CHN1: variants seen among roughly 807,000 people sequenced by gnomAD.
The protein encoded by CHN1 is chimerin 1.
Under a neutral mutation model 59.5 loss-of-function variants are expected in CHN1, and 37 were observed. The ratio of observed to expected loss-of-function variants is 0.62; its 90% CI spans 0.48 to 0.82. The LOEUF is 0.82. CHN1 is among the 40% of genes least tolerant of loss of function. CHN1 has a pLI of 0.00. For synonymous variants in CHN1, 206 were observed against 200.4 expected, an observed-to-expected ratio of 1.03 and a Z score of -0.24; for missense variants, 469 against 571.0, an observed-to-expected ratio of 0.82 and a Z score of 1.82.
chr2:174,899,955 A>G (rs1393686524), intron 5 of CHN1, among the ~76,000 whole-genome samples: 1 of 152,204 alleles, frequency 6.6e-6, no homozygotes, highest in Non-Finnish European at 1.5e-5. Context: ...TTATGTGTAT[A>G]TGTATGTTCA....
At chr2:174,813,208 T>C (rs529973587) in intron 8 of CHN1, among the ~76,000 whole-genome samples, 5 of 152,346 alleles carry the variant, frequency 3.3e-5, no homozygotes, top group Non-Finnish European at 7.4e-5. Context: ...CCCAAGGCCA[T>C]GCATTTAGTA....
At chr2:174,957,815 G>A (rs897888153) in intron 1 of CHN1, among the ~76,000 whole-genome samples, 1 of 152,062 alleles carries the variant, frequency 6.6e-6, no homozygotes, top group Non-Finnish European at 1.5e-5. Flanking sequence ...TCTAGACCTT[G>A]CCTTCAAAGA....
At chr2:174,839,389 G>C (rs1177732126) in intron 7 of CHN1, among the ~76,000 whole-genome samples, 2 of 152,096 alleles carry the variant, frequency 1.3e-5, no homozygotes, top group Non-Finnish European at 2.9e-5. Flanking sequence ...GATGAACCTG[G>C]AGGACATGAT....
chr2:174,974,490 A>G (rs921866228), intron 1 of CHN1, among the ~76,000 whole-genome samples: 3 of 152,176 alleles, frequency 2.0e-5, no homozygotes, highest in Non-Finnish European at 4.4e-5. Flanking sequence ...TGCTTTTACC[A>G]GTCTGCAAGA....
At chr2:174,979,773 C>T (rs905012478) in intron 1 of CHN1, among the ~76,000 whole-genome samples, 123 of 152,000 alleles carry the variant, frequency 8.1e-4, no homozygotes, top group Non-Finnish European at 4.4e-5. Context: ...CCCAGCTACT[C>T]GGGAAGCTGA....
At chr2:174,866,865 A>C (rs2646160) in intron 6 of CHN1, among the ~76,000 whole-genome samples, 7,486 of 152,160 alleles carry the variant, frequency 0.049, 591 homozygotes, top group African/African-American at 0.17. Flanking sequence ...AAGAAAAACA[A>C]TTTGCACGTT....
intron 3 of CHN1, among the ~76,000 whole-genome samples, chr2:174,935,296 T>G (rs1689464182): frequency 6.6e-6 from 1 of 152,152 alleles, no homozygotes; most frequent in Non-Finnish European, 1.5e-5. Flanking sequence ...TTATTTGACT[T>G]GAAACCTGAG....
intron 1 of CHN1, among the ~76,000 whole-genome samples, chr2:174,989,000 AG>A (rs1691449621): frequency 6.6e-6 from 1 of 152,242 alleles, no homozygotes; most frequent in Non-Finnish European, 1.5e-5. Flanking sequence ...TCTATTATAA[AG>A]TCTTCATCTC....
chr2:174,977,404 T>C (rs182956367), intron 1 of CHN1, among the ~76,000 whole-genome samples: 2 of 152,344 alleles, frequency 1.3e-5, no homozygotes, highest in East Asian at 3.9e-4. Context: ...TGTCAAAGAA[T>C]TGCTGTTTGC....
chr2:174,905,706 A>G (rs902846720), intron 5 of CHN1, among the ~76,000 whole-genome samples: 1 of 152,016 alleles, frequency 6.6e-6, no homozygotes. Flanking sequence ...CTGGGACTAC[A>G]GCTACCATGC....
intron 1 of CHN1, among the ~76,000 whole-genome samples, chr2:174,994,480 T>C (rs200306591): frequency 5.3e-5 from 8 of 151,996 alleles, no homozygotes; most frequent in East Asian, 3.9e-4. Context: ...ACTGTGGCGG[T>C]TGTTAAATAT....
intron 5 of CHN1, among the ~76,000 whole-genome samples, chr2:174,898,565 C>T (rs778102104): frequency 1.3e-5 from 2 of 152,144 alleles, no homozygotes; most frequent in Non-Finnish European, 2.9e-5. Context: ...GATCGCGCCA[C>T]TGCACTCCAG....
chr2:174,966,237 A>G (rs1196260557), intron 1 of CHN1, among the ~76,000 whole-genome samples: 1 of 152,174 alleles, frequency 6.6e-6, no homozygotes, highest in East Asian at 1.9e-4. Context: ...CTGATGTGTC[A>G]TGATTCAACT....
intron 3 of CHN1, among the ~76,000 whole-genome samples, chr2:174,931,726 G>C (rs923701250): frequency 6.6e-6 from 1 of 152,218 alleles, no homozygotes; most frequent in Non-Finnish European, 1.5e-5. Flanking sequence ...GGAATGCTGG[G>C]GGGATGATAA....
chr2:174,838,557 A>G (rs1558946149), intron 7 of CHN1, among the ~76,000 whole-genome samples: 1 of 152,190 alleles, frequency 6.6e-6, no homozygotes. Flanking sequence ...AAAATAAGCA[A>G]AAGAGAATTA....
rs1687692641 is a variant in CHN1, at chr2:174,880,247, AG to A, written c.261-2120del. 3.9e-5 allele frequency among the ~76,000 whole-genome samples: 6 copies of A among 152,340 alleles called. No individual in the cohort carries two copies. The South Asian group carries it at 1.2e-3, about 32-fold the overall frequency. On this transcript the variant is annotated intron_variant, in intron 5 of 12. Coordinates refer to ENST00000409900, the MANE Select transcript of CHN1 (RefSeq NM_001822.7). ...TGGTTTGATTAAAACTTTGCTTCAA[AG>A]GGTAAAAATAAAAAATTTCCATTTT...
chr2:174,982,490 C>G (rs1340916276), intron 1 of CHN1, among the ~76,000 whole-genome samples: 1 of 152,206 alleles, frequency 6.6e-6, no homozygotes, highest in Non-Finnish European at 1.5e-5. Flanking sequence ...GATCGCCATT[C>G]TAACTGGTGT....
intron 8 of CHN1, 59 bp downstream of exon 8, chr2:174,824,375 A>C: frequency 1.8e-4 from 206 of 1,171,360 alleles, no homozygotes; most frequent in Non-Finnish European, 2.3e-4. Context: ...GTCTCCTTCT[A>C]CCTCACCTCT....
chr2:174,938,554 G>GA (rs1558989781), intron 3 of CHN1, among the ~76,000 whole-genome samples: 1 of 151,978 alleles, frequency 6.6e-6, no homozygotes, highest in Non-Finnish European at 1.5e-5. Flanking sequence ...TATCACCTGG[G>GA]AAAAACAGAA....
Sources: allele counts gnomAD v4.1 joint callset (sites outside exome capture counted in the v4.1 genomes callset), GRCh38; gene constraint gnomAD v4.1.1; transcripts MANE v1.5; gene names NCBI Gene and HGNC (gene_info 2026-07-23, HGNC 2026-07-21).